Variants in RNF217 observed in about 807,000 individuals in gnomAD.
RNF217 encodes ring finger protein 217, also known as E3 ubiquitin-protein ligase RNF217.
RNF217 carries 31 observed loss-of-function variants against 57.8 expected under a neutral mutation model. That is an observed-to-expected ratio of 0.54 (90% CI 0.40 to 0.72). The LOEUF (loss-of-function observed/expected upper bound fraction) is 0.72. Among genes scored for constraint, RNF217 ranks in the 30% least tolerant of loss-of-function variants. The probability of loss-of-function intolerance (pLI) is 0.00; values close to 1 mark genes in which losing one functional copy is unlikely to be tolerated. For missense variants in RNF217, 696 were observed against 708.3 expected, an observed-to-expected ratio of 0.98 and a Z score of 0.20; for synonymous variants, 313 against 294.0, an observed-to-expected ratio of 1.06 and a Z score of -0.66.
Position 125,091,598 on chromosome 6 carries a change from A to T in RNF217, c.*8661A>T, listed in dbSNP as rs1267058906. ...CATTAAAATTGAATTGTACTTTAAA[A>T]CCATAAAAAATGCTAATTAAGTTTA... On this transcript the variant is annotated 3_prime_UTR_variant, in exon 6 of 6. Transcript: ENST00000521654. 6.6e-6 allele frequency: 1 copy of T among 152,156 alleles called. No individual in the cohort carries two copies. The highest frequency in any genetic ancestry group is 2.4e-5 in the African/African-American group (1 of 41,456). 9.4% of individuals were successfully genotyped at this position (152,156 alleles called of 1,614,324 possible).
Position 125,058,070 on chromosome 6 carries a change from T to C in RNF217, c.1245T>C (p.His415=), listed in dbSNP as rs1399569640. ...GTCACTGGGCCAGCGAAATTGAGCA[T>C]GGGCAGAGGAATGCCCAGAAGTGTC... ...LLRHWASEIE[H]GQRNAQKCPK... Residue 415 remains histidine, a synonymous_variant, in exon 3 of 6, where the codon CAT becomes CAC. Transcript: ENST00000521654. 1.2e-6 allele frequency: 2 copies of C among 1,613,482 alleles called. No individual in the cohort carries two copies. The highest frequency in any genetic ancestry group is 1.7e-5 in the Admixed American group (1 of 59,950).
At chr6:124,999,387 C>T (rs1676149716) in intron 1 of RNF217, among the ~76,000 whole-genome samples, 1 of 152,178 alleles carries the variant, frequency 6.6e-6, no homozygotes. Context: ...CTTGTGAATT[C>T]CTGTAAGTGT....
chr6:125,015,874 A>G (rs1388525379), intron 1 of RNF217, among the ~76,000 whole-genome samples: 1 of 152,206 alleles, frequency 6.6e-6, no homozygotes, highest in East Asian at 1.9e-4. Flanking sequence ...TTAATAAAAT[A>G]TGGTATATTC....
chr6:125,075,804 T>C (rs1427825596), intron 3 of RNF217, among the ~76,000 whole-genome samples: 3 of 152,194 alleles, frequency 2.0e-5, no homozygotes, highest in Non-Finnish European at 4.4e-5. Context: ...ACAATATCTT[T>C]CCATGAGGAT....
chr6:125,066,022 CTT>C (rs369355745), intron 3 of RNF217, among the ~76,000 whole-genome samples: 1 of 152,164 alleles, frequency 6.6e-6, no homozygotes, highest in African/African-American at 2.4e-5. Flanking sequence ...AGGCCAAGAA[CTT>C]TAGGTTATCC....
At chr6:124,974,673 G>A (rs1026935840) in intron 1 of RNF217, among the ~76,000 whole-genome samples, 8 of 152,116 alleles carry the variant, frequency 5.3e-5, no homozygotes, top group Non-Finnish European at 8.8e-5. Flanking sequence ...TTAATGAAAG[G>A]AGTTCATGTA....
At position 125,090,644 on chromosome 6, in the gene RNF217, G is replaced by A. The variant is rs1287430861; in HGVS notation, c.*7707G>A. Reference sequence around the variant, plus strand: ...ATTAGAAGAAATTTCTTGATCATAAGATGAATAGTAATTTGTACCAGATCT... The same window carrying A: ...ATTAGAAGAAATTTCTTGATCATAAAATGAATAGTAATTTGTACCAGATCT... On this transcript the variant is annotated 3_prime_UTR_variant, in exon 6 of 6. Transcript: ENST00000521654. The A allele has an allele frequency of 2.6e-5, 4 of 151,696 alleles. No individual in the cohort carries two copies. The highest frequency in any genetic ancestry group is 5.9e-5 in the Non-Finnish European group (4 of 67,796). The allele number at this position is 151,696 out of a possible 1,614,324, so 9.4% of individuals were successfully genotyped here.
chr6:125,056,579 G>T lies in RNF217; in HGVS notation c.1117-1363G>T, dbSNP rs75291018. Among the ~76,000 whole-genome samples the T allele has an allele frequency of 8.5e-3, 1,292 of 152,258 alleles. 14 individuals carry two copies. Among genetic ancestry groups the T allele is most frequent in the African/African-American group, 0.03 (1,234 of 41,554 alleles). On this transcript the variant is annotated intron_variant, in intron 2 of 5. Coordinates refer to ENST00000521654, the MANE Select transcript of RNF217 (RefSeq NM_001286398.3). The stretch of plus-strand genomic sequence containing the variant: ...AGTTATTAACAGAAGAGCTGTGATT[G>T]TAATTGCCACTCAGCTAATTAGTCT...
At chr6:124,980,073 T>C (rs1033366401) in intron 1 of RNF217, among the ~76,000 whole-genome samples, 1 of 152,204 alleles carries the variant, frequency 6.6e-6, no homozygotes, top group African/African-American at 2.4e-5. Flanking sequence ...CAACGTAGGA[T>C]TAGCCTCTGT....
At chr6:125,065,290 C>CAAAAA (rs1192938088) in intron 3 of RNF217, among the ~76,000 whole-genome samples, 5 of 63,740 alleles carry the variant, frequency 7.8e-5, no homozygotes, top group Non-Finnish European at 1.0e-4. Context: ...GACTCTGTCT[C>CAAAAA]AAAAAAAAAA....
In RNF217 at chr6:125,059,538, G is replaced by A. The variant is rs1429994494; in HGVS notation, c.1281+1432G>A. Among the ~76,000 whole-genome samples, 4 of 152,136 alleles carry A rather than the reference G, an allele frequency of 2.6e-5. No individual in the cohort carries two copies. In the East Asian group the frequency reaches 7.7e-4, roughly 29 times the overall value. On this transcript the variant is annotated intron_variant, in intron 3 of 5. Coordinates refer to ENST00000521654, the MANE Select transcript of RNF217 (RefSeq NM_001286398.3). ...AAGTGCATTTTATATCCTTTGGAAA[G>A]CTGTAAAAACAATTCCAAGTTAGCC... is the stretch of plus-strand genomic sequence containing the variant.
In RNF217 at chr6:125,089,315, C is replaced by T. The variant is rs1476340670; in HGVS notation, c.*6378C>T. On this transcript the variant is annotated 3_prime_UTR_variant, in exon 6 of 6. Coordinates refer to ENST00000521654, the MANE Select transcript of RNF217 (RefSeq NM_001286398.3). ...TAGTTGGACAGAAAGCATGTGTGGA[C>T]ATTCATCCAACCTGACCCCAGGTCA... The T allele has an allele frequency of 6.6e-6, 1 of 152,176 alleles. No individual in the cohort carries two copies. The highest frequency in any genetic ancestry group is 1.9e-4 in the East Asian group (1 of 5,202). 9.4% of individuals were successfully genotyped at this position (152,176 alleles called of 1,614,324 possible). A position where few individuals can be genotyped will look rare whatever the true frequency, so the allele number is the denominator to read the frequency against.
Position 125,090,767 on chromosome 6 carries a change from T to A in RNF217, c.*7830T>A, listed in dbSNP as rs958457728. Reference sequence around the variant, plus strand: ...GTTATAATATTTTTCAAGTTTAAAATGGACCGGGTTGAAAAGAGATTTCAT... The same window carrying A: ...GTTATAATATTTTTCAAGTTTAAAAAGGACCGGGTTGAAAAGAGATTTCAT... On this transcript the variant is annotated 3_prime_UTR_variant, in exon 6 of 6. Coordinates refer to ENST00000521654, the MANE Select transcript of RNF217 (RefSeq NM_001286398.3). 2.6e-5 allele frequency: 4 copies of A among 151,918 alleles called. No homozygotes were observed. Among genetic ancestry groups the A allele is most frequent in the Admixed American group, 2.6e-4 (4 of 15,254 alleles). The allele number at this position is 151,918 out of a possible 1,614,324, so 9.4% of individuals were successfully genotyped here. A position where few individuals can be genotyped will look rare whatever the true frequency, so the allele number is the denominator to read the frequency against.
chr6:125,013,342 G>A (rs1306083640), intron 1 of RNF217, among the ~76,000 whole-genome samples: 6 of 119,540 alleles, frequency 5.0e-5, no homozygotes, highest in Non-Finnish European at 8.4e-5. Flanking sequence ...GTGCTTGCAT[G>A]TTTTGTGTAT....
At chr6:124,988,794 A>T (rs56298622) in intron 1 of RNF217, among the ~76,000 whole-genome samples, 4,936 of 152,270 alleles carry the variant, frequency 0.032, 118 homozygotes, top group Non-Finnish European at 0.047. Flanking sequence ...GAGAATGTTC[A>T]TTCATAGAGA....
intron 1 of RNF217, among the ~76,000 whole-genome samples, chr6:125,011,419 C>T (rs1027597402): frequency 1.3e-5 from 2 of 152,142 alleles, no homozygotes; most frequent in African/African-American, 4.8e-5. Context: ...TAGACAATCA[C>T]TTATTGGGCC....
At position 124,974,571 on chromosome 6, in the gene RNF217, T is replaced by G. The variant is rs538097651; in HGVS notation, c.882+11145T>G. ...TCTGATTAACAACACTTAATATTATTCTGTATAGCATAATTTCCTTTCCAT... is the reference window on the plus strand; with the variant it reads ...TCTGATTAACAACACTTAATATTATGCTGTATAGCATAATTTCCTTTCCAT... On this transcript the variant is annotated intron_variant, in intron 1 of 5. Transcript: ENST00000521654. Among the ~76,000 whole-genome samples the G allele has an allele frequency of 3.9e-5, 6 of 152,338 alleles. No individual in the cohort carries two copies. The East Asian group carries it at 1.2e-3, about 29-fold the overall frequency.
intron 1 of RNF217, among the ~76,000 whole-genome samples, chr6:124,973,238 C>T (rs1377474558): frequency 6.6e-6 from 1 of 152,120 alleles, no homozygotes; most frequent in Admixed American, 6.5e-5. Flanking sequence ...CTCTTCAGTC[C>T]CTTCTTCTAT....
At chr6:125,047,510 T>C (rs1787143001) in intron 2 of RNF217, among the ~76,000 whole-genome samples, 1 of 152,066 alleles carries the variant, frequency 6.6e-6, no homozygotes, top group Non-Finnish European at 1.5e-5. Context: ...GAGGTCAGGC[T>C]TCTCCAATGT....
Sources: allele counts gnomAD v4.1 joint callset (sites outside exome capture counted in the v4.1 genomes callset), GRCh38; gene constraint gnomAD v4.1.1; transcripts MANE v1.5; gene names NCBI Gene and HGNC (gene_info 2026-07-23, HGNC 2026-07-21).